Variants in TMEM131 observed in about 807,000 individuals in gnomAD.
TMEM131 encodes transmembrane protein 131.
TMEM131 carries 66 observed loss-of-function variants against 211.6 expected under a neutral mutation model. The observed-to-expected ratio is 0.31, with a 90% CI of 0.26 to 0.38. TMEM131 has a LOEUF of 0.38. Ranked by LOEUF, TMEM131 falls within the 10% of genes least tolerant of loss-of-function variation. The pLI is 1.00. For synonymous variants in TMEM131, 844 were observed against 841.3 expected (o/e 1.00, Z -0.06); for missense variants, 2,036 against 2,299.3 (o/e 0.89, Z 2.34).
intron 2 of TMEM131, among the ~76,000 whole-genome samples, chr2:97,924,780 G>A (rs1446322508): frequency 6.6e-6 from 1 of 152,176 alleles, no homozygotes; most frequent in East Asian, 1.9e-4. Flanking sequence ...AGGAATGGCT[G>A]GGCAATAATG....
intron 4 of TMEM131, among the ~76,000 whole-genome samples, chr2:97,881,538 C>T (rs55753459): frequency 0.27 from 41,020 of 151,508 alleles, 6,075 homozygotes; most frequent in Middle Eastern, 0.37. Flanking sequence ...AAAAACAATC[C>T]TTCCCCAGAA....
chr2:97,857,417 T>C (rs1023055603), intron 5 of TMEM131, among the ~76,000 whole-genome samples: 1 of 152,190 alleles, frequency 6.6e-6, no homozygotes. Flanking sequence ...CTAGTCTCTG[T>C]ATTACGGTAG....
Position 97,837,304 on chromosome 2 carries a change from A to G in TMEM131, c.724-147T>C, listed in dbSNP as rs956483211. Reference sequence around the variant, plus strand: ...AACGTAGGATATGTATAATATCACTAAATTCAGTGCTCTGTATGTGTAAGC... The same window carrying G: ...AACGTAGGATATGTATAATATCACTGAATTCAGTGCTCTGTATGTGTAAGC... On this transcript the variant is annotated intron_variant, in intron 7 of 40. Transcript: ENST00000186436. 7 of 564,824 alleles carry G rather than the reference A, an allele frequency of 1.2e-5. No individual in the cohort carries two copies. The African/African-American group carries it at 1.4e-4, about 11-fold the overall frequency. The allele number at this position is 564,824 out of a possible 1,614,324, so 35.0% of individuals were successfully genotyped here.
At chr2:97,775,317 T>C (rs943362293) in intron 32 of TMEM131, among the ~76,000 whole-genome samples, 9 of 152,126 alleles carry the variant, frequency 5.9e-5, no homozygotes, top group African/African-American at 2.2e-4. Flanking sequence ...TCCTCGTCCC[T>C]GGGGGCCACT....
intron 25 of TMEM131, among the ~76,000 whole-genome samples, chr2:97,800,765 A>G (rs1680995409): frequency 6.6e-6 from 1 of 152,062 alleles, no homozygotes; most frequent in African/African-American, 2.4e-5. Flanking sequence ...AGAAGAAAAA[A>G]AAAAAGAAAA....
intron 4 of TMEM131, among the ~76,000 whole-genome samples, chr2:97,870,085 G>A (rs1674430678): frequency 6.6e-6 from 1 of 152,098 alleles, no homozygotes; most frequent in Non-Finnish European, 1.5e-5. Flanking sequence ...TCAAATACCT[G>A]ACATTTCTGT....
chr2:97,772,180 GC>G lies in TMEM131; in HGVS notation c.4448+116del, dbSNP rs1016315220. On this transcript the variant is annotated intron_variant, in intron 33 of 40. Transcript: ENST00000186436. ...GAATGTGACGTAGCACCTGGATTTT[GC>G]TATCAACTCCCCTAAAAGCCAACCA... 2.5e-6 allele frequency: 3 copies of G among 1,193,022 alleles called. No individual in the cohort carries two copies. The African/African-American group carries it at 4.6e-5, about 18-fold the overall frequency. 73.9% of individuals were successfully genotyped at this position (1,193,022 alleles called of 1,614,324 possible).
chr2:97,900,607 G>C (rs1041695361), intron 3 of TMEM131, among the ~76,000 whole-genome samples: 1 of 151,722 alleles, frequency 6.6e-6, no homozygotes, highest in Non-Finnish European at 1.5e-5. Flanking sequence ...TTATCCACGT[G>C]TCCACTGATG....
At chr2:97,828,027 A>C (rs1230558342) in intron 11 of TMEM131, among the ~76,000 whole-genome samples, 1 of 152,230 alleles carries the variant, frequency 6.6e-6, no homozygotes, top group Non-Finnish European at 1.5e-5. Context: ...ACTCTGTAAC[A>C]TCTTTGGTTG....
chr2:97,806,743 C>T (rs568280629), intron 19 of TMEM131, among the ~76,000 whole-genome samples: 4 of 152,264 alleles, frequency 2.6e-5, no homozygotes, highest in East Asian at 1.9e-4. Flanking sequence ...TAGATTCCTA[C>T]TCATTTGAAG....
intron 2 of TMEM131, chr2:97,913,203 A>G (rs1028710093): frequency 1.3e-5 from 2 of 152,224 alleles, no homozygotes; most frequent in African/African-American, 4.8e-5. Flanking sequence ...CCGGTAATGC[A>G]CAGGACGCTC....
rs1165086918 is a variant in TMEM131 at position 97,796,234 on chromosome 2, T to C, written c.3184A>G (p.Arg1062Gly). ...AATACTTACAATATGATTATATCTC[T>C]AGAAGCATTGGCACTTAGAGTAAAC... ...QEFTLSANASRDIIILFTPDF... is the reference protein window; with the variant it reads ...QEFTLSANASGDIIILFTPDF... The change falls in exon 28 of 41, where the codon AGA becomes GGA. Residue 1062 changes from arginine (R) to glycine (G), a missense_variant. Physicochemically the swap from Arg to Gly is moderately radical, Grantham distance 125. This residue lies in a region of TMEM131 where 1,623 missense variants were observed against 1,805.9 expected (regional missense o/e 0.90). Transcript: ENST00000186436. The C allele has an allele frequency of 3.2e-6, 5 of 1,554,146 alleles. No individual in the cohort carries two copies. Among genetic ancestry groups the C allele is most frequent in the African/African-American group, 1.4e-5 (1 of 73,216 alleles).
At chr2:97,772,175 A>G (rs1679497441) in intron 33 of TMEM131, 122 bp downstream of exon 33, 1 of 1,147,930 alleles carries the variant, frequency 8.7e-7, no homozygotes, top group Non-Finnish European at 1.3e-6. Flanking sequence ...TAGCACCTGG[A>G]TTTTGCTATC....
rs533434293 is a variant in TMEM131 at position 97,815,172 on chromosome 2, T to A, written c.1292+27A>T. ...TAATTTACTGATTAGTAAAAAGTAATAGAATTTATTTTAAAAAGAAACTCA... is the reference window on the plus strand; with the variant it reads ...TAATTTACTGATTAGTAAAAAGTAAAAGAATTTATTTTAAAAAGAAACTCA... On this transcript the variant is annotated intron_variant, in intron 13 of 40. Coordinates refer to ENST00000186436, the MANE Select transcript of TMEM131 (RefSeq NM_015348.2). The A allele has an allele frequency of 1.2e-4, 152 of 1,312,550 alleles. No individual in the cohort carries two copies. In the East Asian group the frequency reaches 3.9e-3, roughly 33 times the overall value. The allele number at this position is 1,312,550 out of a possible 1,614,324, so 81.3% of individuals were successfully genotyped here. A position where few individuals can be genotyped will look rare whatever the true frequency, so the allele number is the denominator to read the frequency against.
In TMEM131 at chr2:97,760,783, A is replaced by C; in HGVS notation, c.5011+10T>G. 6.2e-7 allele frequency: 1 copy of C among 1,613,840 alleles called. No individual in the cohort carries two copies. Among genetic ancestry groups the C allele is most frequent in the Non-Finnish European group, 8.5e-7 (1 of 1,179,768 alleles). On this transcript the variant is annotated intron_variant, in intron 37 of 40. Coordinates refer to ENST00000186436, the MANE Select transcript of TMEM131 (RefSeq NM_015348.2). ...CTGGCGTGGCAGGTCTCTGAAGCAA[A>C]GGCACTGACCTGGGCTCTTGTCGTA...
chr2:97,973,037 T>C (rs1471054326), intron 1 of TMEM131, among the ~76,000 whole-genome samples: 1 of 152,226 alleles, frequency 6.6e-6, no homozygotes, highest in Non-Finnish European at 1.5e-5. Flanking sequence ...ACATACGGAC[T>C]TCTGATCTCC....
intron 5 of TMEM131, among the ~76,000 whole-genome samples, chr2:97,851,205 A>G (rs1029401068): frequency 2.0e-5 from 3 of 151,984 alleles, no homozygotes; most frequent in African/African-American, 7.3e-5. Context: ...TCATATACCA[A>G]ACTCGAATAC....
chr2:97,903,778 G>A (rs1675955406), intron 3 of TMEM131, among the ~76,000 whole-genome samples: 1 of 152,026 alleles, frequency 6.6e-6, no homozygotes, highest in Non-Finnish European at 1.5e-5. Flanking sequence ...CCGCCTCCCG[G>A]GTTCAAGCAA....
intron 1 of TMEM131, among the ~76,000 whole-genome samples, chr2:97,989,609 ATG>A (rs949680058): frequency 2.5e-4 from 38 of 152,336 alleles, no homozygotes; most frequent in Non-Finnish European, 4.6e-4. Context: ...GTATTTTGTT[ATG>A]TGTTTTTTTC....
Sources: gnomAD v4.1 joint callset for allele counts (sites outside exome capture counted in the v4.1 genomes callset) on GRCh38, gnomAD v4.1.1 for gene constraint, gnomAD v4.1.1 regional missense constraint, MANE v1.5 for transcripts, NCBI Gene and HGNC (gene_info 2026-07-23, HGNC 2026-07-21) for gene names.